The following ZFAT variants were observed in gnomAD, a reference collection of about 807,000 sequenced individuals.
ZFAT encodes the protein zinc finger and AT-hook domain containing, also known as zinc finger protein ZFAT.
In ZFAT, 64 loss-of-function variants were observed where a neutral mutation model predicts 117.7. The observed-to-expected ratio is 0.54, with a 90% CI of 0.44 to 0.67. ZFAT has a LOEUF of 0.67. ZFAT is among the 30% of genes least tolerant of loss of function. The probability of loss-of-function intolerance (pLI) is 0.00; values close to 1 mark genes in which losing one functional copy is unlikely to be tolerated. For missense variants in ZFAT, 1,433 were observed against 1,584.5 expected, an observed-to-expected ratio of 0.90 and a Z score of 1.62; for synonymous variants, 679 against 615.0, an observed-to-expected ratio of 1.10 and a Z score of -1.54.
At chr8:134,705,094 C>T (rs1444759895) in intron 1 of ZFAT, among the ~76,000 whole-genome samples, 1 of 152,112 alleles carries the variant, frequency 6.6e-6, no homozygotes. Flanking sequence ...ATATTCACAA[C>T]ATACACACAC....
At chr8:134,708,575 G>T (rs896822512) in intron 1 of ZFAT, among the ~76,000 whole-genome samples, 5 of 151,212 alleles carry the variant, frequency 3.3e-5, no homozygotes, top group Admixed American at 1.3e-4. Context: ...TGTGTTCCTT[G>T]AAAAAAAAGG....
the ZFAT span, among the ~76,000 whole-genome samples, chr8:134,820,765 C>A: frequency 1.3e-5 from 2 of 152,300 alleles, no homozygotes; most frequent in South Asian, 4.1e-4. Flanking sequence ...ACAGAAAGAA[C>A]CCTGATAGAG....
intron 7 of ZFAT, among the ~76,000 whole-genome samples, chr8:134,596,989 T>C (rs2130903956): frequency 7.9e-6 from 1 of 127,258 alleles, no homozygotes; most frequent in Non-Finnish European, 1.6e-5. Context: ...TCCGTGGATA[T>C]ACTAAAAAAA....
the ZFAT span, among the ~76,000 whole-genome samples, chr8:134,782,573 G>A: frequency 1.3e-5 from 2 of 151,894 alleles, no homozygotes; most frequent in East Asian, 1.9e-4. Context: ...ATATGAACCC[G>A]GTGGCAGATA....
intron 11 of ZFAT, among the ~76,000 whole-genome samples, chr8:134,541,448 C>A (rs867652034): frequency 5.9e-5 from 9 of 152,274 alleles, no homozygotes; most frequent in Middle Eastern, 6.8e-3. Context: ...ACAGATGCAG[C>A]CCCTTCACCC....
At chr8:134,556,549 A>C (rs1221462254) in intron 11 of ZFAT, among the ~76,000 whole-genome samples, 5 of 152,186 alleles carry the variant, frequency 3.3e-5, no homozygotes, top group Non-Finnish European at 5.9e-5. Flanking sequence ...AAAACCAAAA[A>C]AAAAGAGGAA....
intron 1 of ZFAT, among the ~76,000 whole-genome samples, chr8:134,659,167 T>C (rs1030720353): frequency 5.6e-4 from 85 of 152,340 alleles, no homozygotes; most frequent in African/African-American, 2.0e-3. Flanking sequence ...TCTCTGGTGA[T>C]GGTGAGCAAG....
chr8:134,639,301 T>C (rs929861143), intron 2 of ZFAT, among the ~76,000 whole-genome samples: 1 of 152,180 alleles, frequency 6.6e-6, no homozygotes, highest in African/African-American at 2.4e-5. Context: ...GCAAGAGATT[T>C]CCTGGGAAAG....
At chr8:134,587,622 G>A (rs1305439127) in intron 9 of ZFAT, among the ~76,000 whole-genome samples, 1 of 152,112 alleles carries the variant, frequency 6.6e-6, no homozygotes, top group Non-Finnish European at 1.5e-5. Context: ...CTTATCCAGG[G>A]GGAGAAAACA....
At chr8:134,822,632 G>C in the ZFAT span, among the ~76,000 whole-genome samples, 1 of 151,858 alleles carries the variant, frequency 6.6e-6, no homozygotes, top group African/African-American at 2.4e-5. Flanking sequence ...AGTAAAGGTG[G>C]GCTAGAAGGA....
At chr8:134,733,095 A>C in the ZFAT span, among the ~76,000 whole-genome samples, 1 of 152,134 alleles carries the variant, frequency 6.6e-6, no homozygotes, top group African/African-American at 2.4e-5. Flanking sequence ...TATACTTTAC[A>C]CTCAATTTTT....
chr8:134,686,523 G>C (rs1303710192), intron 1 of ZFAT, among the ~76,000 whole-genome samples: 1 of 152,112 alleles, frequency 6.6e-6, no homozygotes, highest in Admixed American at 6.5e-5. Context: ...AATGTGAACA[G>C]CAAATTTTAA....
chr8:134,787,724 T>C, the ZFAT span, among the ~76,000 whole-genome samples: 1 of 152,160 alleles, frequency 6.6e-6, no homozygotes, highest in African/African-American at 2.4e-5. Context: ...ATTTTGATAA[T>C]ATCATATATT....
intron 3 of ZFAT, among the ~76,000 whole-genome samples, chr8:134,631,077 C>T (rs1241150016): frequency 6.6e-6 from 1 of 152,220 alleles, no homozygotes; most frequent in African/African-American, 2.4e-5. Context: ...AAGGAAAAAA[C>T]ACCCAGAGCG....
At position 134,519,933 on chromosome 8, in the gene ZFAT, T is replaced by C. The variant is rs573187218; in HGVS notation, c.3234+950A>G. 6.6e-5 allele frequency among the ~76,000 whole-genome samples: 10 copies of C among 152,332 alleles called. No individual in the cohort carries two copies. In the South Asian group the frequency reaches 2.1e-3, roughly 32 times the overall value. On this transcript the variant is annotated intron_variant, in intron 13 of 15. Transcript: ENST00000377838. ...TTTCTGCATCTATGAAGGTGACTGTTTCATATTATAATGGATGTTAACATG... is the reference window on the plus strand; with the variant it reads ...TTTCTGCATCTATGAAGGTGACTGTCTCATATTATAATGGATGTTAACATG...
the ZFAT span, among the ~76,000 whole-genome samples, chr8:134,739,183 A>C: frequency 6.6e-6 from 1 of 152,210 alleles, no homozygotes. Flanking sequence ...GTAAATATCT[A>C]TTAGAAGACC....
intron 11 of ZFAT, among the ~76,000 whole-genome samples, chr8:134,554,404 G>A (rs988618525): frequency 6.6e-6 from 1 of 152,166 alleles, no homozygotes; most frequent in Non-Finnish European, 1.5e-5. Flanking sequence ...GACAAGAGGT[G>A]GATAGGTCGC....
intron 9 of ZFAT, among the ~76,000 whole-genome samples, chr8:134,585,760 T>C (rs775153938): frequency 5.9e-5 from 9 of 152,170 alleles, no homozygotes; most frequent in South Asian, 2.1e-4. Flanking sequence ...CAAGGCGATA[T>C]ACCAAGACAC....
At chr8:134,719,471 C>T in the ZFAT span, among the ~76,000 whole-genome samples, 1 of 152,126 alleles carries the variant, frequency 6.6e-6, no homozygotes, top group South Asian at 2.1e-4. Flanking sequence ...AGGGTGAGAG[C>T]CAACATACAG....
Sources: allele counts gnomAD v4.1 joint callset (sites outside exome capture counted in the v4.1 genomes callset), GRCh38; gene constraint gnomAD v4.1.1; transcripts MANE v1.5; gene names NCBI Gene and HGNC (gene_info 2026-07-23, HGNC 2026-07-21).